Variants in FOXC2 observed in about 807,000 individuals in gnomAD.
The protein encoded by FOXC2 is forkhead box C2.
FOXC2 carries 7 observed loss-of-function variants against 7.2 expected under a neutral mutation model. The observed-to-expected ratio is 0.97, with a 90% CI of 0.55 to 1.81. The LOEUF (loss-of-function observed/expected upper bound fraction) is 1.81, where lower values mean the gene tolerates loss of function less well. FOXC2 is among the 40% of genes most tolerant of loss of function. FOXC2 has a pLI of 0.00. For missense variants in FOXC2, 846 were observed against 741.2 expected (o/e 1.14, Z -1.64); for synonymous variants, 436 against 350.4 (o/e 1.24, Z -2.73).
chr16:86,567,080 G>C lies in FOXC2; in HGVS notation c.-256G>C, dbSNP rs1178979973. Among the ~76,000 whole-genome samples, 1 of 150,288 alleles carries C rather than the reference G, an allele frequency of 6.7e-6. No individual in the cohort carries two copies. Among genetic ancestry groups the C allele is most frequent in the Non-Finnish European group, 1.5e-5 (1 of 67,386 alleles). On this transcript the variant is annotated 5_prime_UTR_variant, in exon 1 of 1. Coordinates refer to ENST00000649859, the MANE Select transcript of FOXC2 (RefSeq NM_005251.3). ...CCTGGAGCCAGCGAGGAGCGGGGCC[G>C]GCGCTGCGCTTGCCCGGGGCGCGCC... is the stretch of plus-strand genomic sequence containing the variant.
rs1422008877 is a variant in FOXC2, at chr16:86,567,171, C to G, written c.-165C>G. The G allele has an allele frequency of 1.1e-5, 8 of 712,272 alleles. No homozygotes were observed. Among genetic ancestry groups the G allele is most frequent in the Admixed American group, 3.5e-5 (1 of 28,968 alleles). The allele number at this position is 712,272 out of a possible 1,614,324, so 44.1% of individuals were successfully genotyped here. The stretch of plus-strand genomic sequence containing the variant: ...CCCCTGCTCGGCCCGAGCGCCGCCG[C>G]CCGCGCACCCTCGCCCCGGAGGCTG... On this transcript the variant is annotated 5_prime_UTR_variant, in exon 1 of 1. Coordinates refer to ENST00000649859, the MANE Select transcript of FOXC2 (RefSeq NM_005251.3).
chr16:86,568,270 C>T lies in FOXC2; in HGVS notation c.935C>T (p.Ala312Val). 2.4e-6 allele frequency: 3 copies of T among 1,253,010 alleles called. No homozygotes were observed. The highest frequency in any genetic ancestry group is 2.0e-6 in the Non-Finnish European group (2 of 1,000,602). 77.6% of individuals were successfully genotyped at this position (1,253,010 alleles called of 1,614,324 possible). ...CCCTACGCCGCCGCGCCGCCCGCCG[C>T]CTACGGCCAGCCGTGCGCTCAGGGC... ...ALPYAAAPPA[A>V]YGQPCAQGLE... The change falls in exon 1 of 1, where the codon GCC becomes GTC. Residue 312 changes from alanine to valine, a missense_variant. Ala to Val is a moderately conservative substitution (Grantham distance 64). Around this residue, in one of 3 missense-constraint regions of FOXC2, gnomAD observed 640 missense variants for 503.2 expected, o/e 1.27. Coordinates refer to ENST00000649859, the MANE Select transcript of FOXC2 (RefSeq NM_005251.3). This position sits in a 1 kb window ranked among gnomAD's most constrained non-coding sequence, Gnocchi z 5.2.
chr16:86,567,279 C>A lies in FOXC2; in HGVS notation c.-57C>A. 1 of 1,603,798 alleles carries A rather than the reference C, an allele frequency of 6.2e-7. No homozygotes were observed. Among genetic ancestry groups the A allele is most frequent in the South Asian group, 1.1e-5 (1 of 90,532 alleles). On this transcript the variant is annotated 5_prime_UTR_variant, in exon 1 of 1. Coordinates refer to ENST00000649859, the MANE Select transcript of FOXC2 (RefSeq NM_005251.3). ...GCTCTCTCGCTCTCAGGGCCCCCCT[C>A]GCTCCCCCGGCCGCAGTCCGTGCGC...
chr16:86,568,813 C>T lies in FOXC2; in HGVS notation c.1478C>T (p.Pro493Leu). Residue 493 changes from proline to leucine, a missense_variant, in exon 1 of 1, where the codon CCC (proline) becomes CTC (leucine). By Grantham distance (98) the Pro-to-Leu change is moderately conservative. Transcript: ENST00000649859. The surrounding 1 kb of genome is among the most constrained non-coding windows in gnomAD (Gnocchi z 5.2). ...CCGCCTCTCTATCGCCACGCAGCCC[C>T]CTACTCCTACGACTGCACGAAATAC... ...STPPLYRHAA[P>L]YSYDCTKY 1 of 1,613,030 alleles carries T rather than the reference C, an allele frequency of 6.2e-7. No individual in the cohort carries two copies. The highest frequency in any genetic ancestry group is 8.5e-7 in the Non-Finnish European group (1 of 1,179,996).
Position 86,569,101 on chromosome 16 carries a change from A to G in FOXC2, c.*260A>G, listed in dbSNP as rs1035550. 0.9 allele frequency: 524,185 copies of G among 581,892 alleles called. 236,365 individuals are homozygous for G. The highest frequency in any genetic ancestry group is 0.95 in the African/African-American group (50,408 of 53,274). The allele number at this position is 581,892 out of a possible 1,614,324, so 36.0% of individuals were successfully genotyped here. A position where few individuals can be genotyped will look rare whatever the true frequency, so the allele number is the denominator to read the frequency against. Reference sequence around the variant, plus strand: ...ACGCAGCCCAACAAAATGAGTATTGATCTTAAAATCCCCCTCCCCTACCAG... The same window carrying G: ...ACGCAGCCCAACAAAATGAGTATTGGTCTTAAAATCCCCCTCCCCTACCAG... On this transcript the variant is annotated 3_prime_UTR_variant, in exon 1 of 1. Coordinates refer to ENST00000649859, the MANE Select transcript of FOXC2 (RefSeq NM_005251.3).
chr16:86,569,619 GAAA>G lies in FOXC2; in HGVS notation c.*791_*793del, dbSNP rs35468842. On this transcript the variant is annotated 3_prime_UTR_variant, in exon 1 of 1. Transcript: ENST00000649859. ...GGTTCCACCCTGAGTATTCCTAAAA[GAAA>G]AAAAAAAAAAAAGCTTAAAAACTCT... is the stretch of plus-strand genomic sequence containing the variant. 1.5e-3 allele frequency: 228 copies of G among 154,326 alleles called. 1 individual carries two copies. Among genetic ancestry groups the G allele is most frequent in the African/African-American group, 2.0e-3 (78 of 39,572 alleles). 9.6% of individuals were successfully genotyped at this position (154,326 alleles called of 1,614,324 possible). A position where few individuals can be genotyped will look rare whatever the true frequency, so the allele number is the denominator to read the frequency against.
chr16:86,568,478 G>C lies in FOXC2; in HGVS notation c.1143G>C (p.Ala381=). Residue 381 remains alanine (A), a synonymous_variant, in exon 1 of 1, where the codon GCG becomes GCC. Transcript: ENST00000649859. The surrounding 1 kb of genome is among the most constrained non-coding windows in gnomAD (Gnocchi z 5.2). ...ACCTCGCCGCCGGCCAGGAGGGCGC[G>C]CTCGCCGCCACGGGCCACCACCACC... is the stretch of plus-strand genomic sequence containing the variant. ...ALNLAAGQEG[A]LAATGHHHQH... is the part of the protein sequence containing the mutation. The C allele has an allele frequency of 7.6e-7, 1 of 1,308,188 alleles. No individual in the cohort carries two copies. Among genetic ancestry groups the C allele is most frequent in the Non-Finnish European group, 9.8e-7 (1 of 1,024,446 alleles). 81.0% of individuals were successfully genotyped at this position (1,308,188 alleles called of 1,614,324 possible).
In FOXC2 at chr16:86,569,400, A is replaced by G. The variant is rs1388487923; in HGVS notation, c.*559A>G. The G allele has an allele frequency of 3.0e-5, 5 of 167,948 alleles. No homozygotes were observed. Among genetic ancestry groups the G allele is most frequent in the African/African-American group, 1.2e-4 (5 of 41,446 alleles). 10.4% of individuals were successfully genotyped at this position (167,948 alleles called of 1,614,324 possible). A position where few individuals can be genotyped will look rare whatever the true frequency, so the allele number is the denominator to read the frequency against. ...ACTGGATAAGTTTTTCATCTTGCCC[A>G]ACCATTTCTAACTGCCAAATTGAAT... On this transcript the variant is annotated 3_prime_UTR_variant, in exon 1 of 1. Coordinates refer to ENST00000649859, the MANE Select transcript of FOXC2 (RefSeq NM_005251.3).
Position 86,568,577 on chromosome 16 carries a change from C to T in FOXC2, c.1242C>T (p.Pro414=), listed in dbSNP as rs767164459. The T allele has an allele frequency of 2.5e-6, 4 of 1,589,704 alleles. No individual in the cohort carries two copies. In the East Asian group the frequency reaches 6.9e-5, roughly 27 times the overall value. ...PAPQPQPTPQ[P]GAAAAQAASW... is the part of the protein sequence containing the mutation. ...CCCAGCCCCAGCCGACGCCGCAGCC[C>T]GGGGCCGCCGCGGCGCAGGCGGCCT... Residue 414 remains proline (P), a synonymous_variant, in exon 1 of 1, where the codon CCC becomes CCT. Transcript: ENST00000649859. This position sits in a 1 kb window ranked among gnomAD's most constrained non-coding sequence, Gnocchi z 5.2.
chr16:86,568,341 A>T lies in FOXC2; in HGVS notation c.1006A>T (p.Met336Leu), dbSNP rs763817998. Residue 336 changes from methionine to leucine, a missense_variant, in exon 1 of 1, where the codon ATG (methionine) becomes TTG (leucine). Met to Leu is a conservative substitution (Grantham distance 15). Around this residue, in one of 3 missense-constraint regions of FOXC2, gnomAD observed 640 missense variants for 503.2 expected, o/e 1.27. Transcript: ENST00000649859. This position sits in a 1 kb window ranked among gnomAD's most constrained non-coding sequence, Gnocchi z 5.2. ...GGGCTACCAGTGCAGCATGCGAGCG[A>T]TGAGCCTGTACACCGGGGCCGAGCG... ...AGGYQCSMRA[M>L]SLYTGAERPA... 477 of 1,336,068 alleles carry T rather than the reference A, an allele frequency of 3.6e-4. No homozygotes were observed. The highest frequency in any genetic ancestry group is 4.5e-4 in the Non-Finnish European group (469 of 1,039,852). 82.8% of individuals were successfully genotyped at this position (1,336,068 alleles called of 1,614,324 possible).
In FOXC2 at chr16:86,568,353, AC is replaced by A; in HGVS notation, c.1020del (p.Ala342ProfsTer28). On this transcript the variant is annotated frameshift_variant, in exon 1 of 1. Coordinates refer to ENST00000649859, the MANE Select transcript of FOXC2 (RefSeq NM_005251.3). LOFTEE classifies it low-confidence loss of function (END_TRUNC). The surrounding 1 kb of genome is among the most constrained non-coding windows in gnomAD (Gnocchi z 5.2). ...CAGCATGCGAGCGATGAGCCTGTAC[AC>A]CGGGGCCGAGCGGCCGGCGCACATG... ...QCSMRAMSLY[T>X]GAERPAHMCV... 7.3e-7 allele frequency: 1 copy of A among 1,369,562 alleles called. No individual in the cohort carries two copies. The highest frequency in any genetic ancestry group is 9.5e-7 in the Non-Finnish European group (1 of 1,056,176). 84.8% of individuals were successfully genotyped at this position (1,369,562 alleles called of 1,614,324 possible). A position where few individuals can be genotyped will look rare whatever the true frequency, so the allele number is the denominator to read the frequency against.
rs1974248419 is a variant in FOXC2, at chr16:86,569,155, T to C, written c.*314T>C. ...GGCTGTGCTGTGCTCGACCTGAGCT[T>C]TCAAAAGTTAAGTTATGGACCAAAT... On this transcript the variant is annotated 3_prime_UTR_variant, in exon 1 of 1. Coordinates refer to ENST00000649859, the MANE Select transcript of FOXC2 (RefSeq NM_005251.3). 1 of 481,864 alleles carries C rather than the reference T, an allele frequency of 2.1e-6. No individual in the cohort carries two copies. The highest frequency in any genetic ancestry group is 4.1e-5 in the East Asian group (1 of 24,234). 29.8% of individuals were successfully genotyped at this position (481,864 alleles called of 1,614,324 possible). A position where few individuals can be genotyped will look rare whatever the true frequency, so the allele number is the denominator to read the frequency against.
chr16:86,567,364 C>T lies in FOXC2; in HGVS notation c.29C>T (p.Pro10Leu). 1.2e-6 allele frequency: 2 copies of T among 1,613,098 alleles called. No individual in the cohort carries two copies. The highest frequency in any genetic ancestry group is 1.1e-5 in the South Asian group (1 of 91,080). Residue 10 changes from proline to leucine, a missense_variant, in exon 1 of 1, where the codon CCC (proline) becomes CTC (leucine). Pro to Leu is a moderately conservative substitution (Grantham distance 98). Transcript: ENST00000649859. MQARYSVSD[P>L]NALGVVPYLS... is the part of the protein sequence containing the mutation. ...CAGGCGCGCTACTCCGTGTCCGACC[C>T]CAACGCCCTGGGAGTGGTGCCCTAC...
rs1429317990 is a variant in FOXC2 at position 86,567,485 on chromosome 16, G to A, written c.150G>A (p.Ala50=). 4 of 1,613,652 alleles carry A rather than the reference G, an allele frequency of 2.5e-6. No homozygotes were observed. Among genetic ancestry groups the A allele is most frequent in the Non-Finnish European group, 2.5e-6 (3 of 1,179,978 alleles). ...CCGGCCACCCGGAGCAGTACAGCGC[G>A]GGGATGGGCCGCTCCTACGCGCCCT... ...VYSGHPEQYS[A]GMGRSYAPYH... Residue 50 remains alanine (A), a synonymous_variant, in exon 1 of 1, where the codon GCG becomes GCA. Coordinates refer to ENST00000649859, the MANE Select transcript of FOXC2 (RefSeq NM_005251.3).
rs1284234669 is a variant in FOXC2, at chr16:86,568,493, C to T, written c.1158C>T (p.Gly386=). 8.5e-6 allele frequency: 11 copies of T among 1,296,502 alleles called. No individual in the cohort carries two copies. The highest frequency in any genetic ancestry group is 2.1e-5 in the South Asian group (1 of 46,834). 80.3% of individuals were successfully genotyped at this position (1,296,502 alleles called of 1,614,324 possible). A position where few individuals can be genotyped will look rare whatever the true frequency, so the allele number is the denominator to read the frequency against. ...AGGAGGGCGCGCTCGCCGCCACGGG[C>T]CACCACCACCAGCACCACGGCCACC... ...AGQEGALAAT[G]HHHQHHGHHH... The change falls in exon 1 of 1, where the codon GGC becomes GGT. Residue 386 remains glycine, a synonymous_variant. Transcript: ENST00000649859. The surrounding 1 kb of genome is among the most constrained non-coding windows in gnomAD (Gnocchi z 5.2).
chr16:86,567,304 C>G lies in FOXC2; in HGVS notation c.-32C>G, dbSNP rs746872459. On this transcript the variant is annotated 5_prime_UTR_variant, in exon 1 of 1. Coordinates refer to ENST00000649859, the MANE Select transcript of FOXC2 (RefSeq NM_005251.3). ...CGCTCCCCCGGCCGCAGTCCGTGCGCGAGGGCGCCGGCGAGCCGTCTCGGA... is the reference window on the plus strand; with the variant it reads ...CGCTCCCCCGGCCGCAGTCCGTGCGGGAGGGCGCCGGCGAGCCGTCTCGGA... 3.1e-6 allele frequency: 5 copies of G among 1,611,746 alleles called. No individual in the cohort carries two copies. In the South Asian group the frequency reaches 3.3e-5, roughly 11 times the overall value.
At position 86,567,335 on chromosome 16, in the gene FOXC2, C is replaced by T. The variant is rs1209432969; in HGVS notation, c.-1C>T. On this transcript the variant is annotated 5_prime_UTR_variant, in exon 1 of 1. Coordinates refer to ENST00000649859, the MANE Select transcript of FOXC2 (RefSeq NM_005251.3). ...CGCCGGCGAGCCGTCTCGGAAGCAG[C>T]ATGCAGGCGCGCTACTCCGTGTCCG... The T allele has an allele frequency of 3.7e-6, 6 of 1,612,686 alleles. No individual in the cohort carries two copies. Among genetic ancestry groups the T allele is most frequent in the African/African-American group, 1.3e-5 (1 of 74,932 alleles).
In FOXC2 at chr16:86,568,334, G is replaced by A. The variant is rs1173486305; in HGVS notation, c.999G>A (p.Met333Ile). 35 of 1,324,258 alleles carry A rather than the reference G, an allele frequency of 2.6e-5. No homozygotes were observed. The highest frequency in any genetic ancestry group is 3.4e-5 in the Non-Finnish European group (35 of 1,035,024). 82.0% of individuals were successfully genotyped at this position (1,324,258 alleles called of 1,614,324 possible). Residue 333 changes from methionine to isoleucine, a missense_variant, in exon 1 of 1, where the codon ATG becomes ATA. Transcript: ENST00000649859. The surrounding 1 kb of genome is among the most constrained non-coding windows in gnomAD (Gnocchi z 5.2). ...CCGCCGGGGGCTACCAGTGCAGCAT[G>A]CGAGCGATGAGCCTGTACACCGGGG... is the stretch of plus-strand genomic sequence containing the variant. ...AGAAGGYQCS[M>I]RAMSLYTGAE...
At position 86,568,672 on chromosome 16, in the gene FOXC2, C is replaced by T; in HGVS notation, c.1337C>T (p.Thr446Ile). The T allele has an allele frequency of 6.2e-7, 1 of 1,612,914 alleles. No individual in the cohort carries two copies. Among genetic ancestry groups the T allele is most frequent in the Non-Finnish European group, 8.5e-7 (1 of 1,180,026 alleles). ...CACACGTTCGCGGCCCAGCAGCAAA[C>T]TTTCCCCAACGTGCGGGAGATGTTC... ...PGHTFAAQQQ[T>I]FPNVREMFNS... is the part of the protein sequence containing the mutation. Residue 446 changes from threonine to isoleucine, a missense_variant, in exon 1 of 1, where the codon ACT becomes ATT. Physicochemically the swap from Thr to Ile is moderately conservative, Grantham distance 89. Coordinates refer to ENST00000649859, the MANE Select transcript of FOXC2 (RefSeq NM_005251.3). This position sits in a 1 kb window ranked among gnomAD's most constrained non-coding sequence, Gnocchi z 5.2.
Sources: gnomAD v4.1 joint callset for allele counts (sites outside exome capture counted in the v4.1 genomes callset) on GRCh38, gnomAD v4.1.1 for gene constraint, gnomAD v4.1.1 regional missense constraint, Gnocchi (gnomAD v3.1) non-coding constraint, MANE v1.5 for transcripts, NCBI Gene and HGNC (gene_info 2026-07-23, HGNC 2026-07-21) for gene names.